Variants in PITPNA observed in about 807,000 individuals in gnomAD.
PITPNA encodes phosphatidylinositol transfer protein alpha isoform.
A neutral mutation model predicts 50.3 loss-of-function variants in PITPNA; 13 were observed. The observed-to-expected ratio is 0.26, with a 90% confidence interval of 0.17 to 0.41. The LOEUF is 0.41. Among genes scored for constraint, PITPNA ranks in the 10% least tolerant of loss-of-function variants. The pLI is 1.00. For missense variants in PITPNA, 207 were observed against 333.4 expected, an observed-to-expected ratio of 0.62 and a Z score of 2.95; for synonymous variants, 120 against 119.6, an observed-to-expected ratio of 1.00 and a Z score of -0.02.
intron 4 of PITPNA, among the ~76,000 whole-genome samples, chr17:1,545,311 T>C (rs1336148592): frequency 6.6e-6 from 1 of 152,258 alleles, no homozygotes; most frequent in East Asian, 1.9e-4. Context: ...TTTTACTTCA[T>C]GCTCCTTCAT....
chr17:1,535,836 G>C (rs2075612700), intron 7 of PITPNA: 1 of 319,310 alleles, frequency 3.1e-6, no homozygotes, highest in South Asian at 3.8e-5. Flanking sequence ...GATCACCAGG[G>C]AAGACCTTTT....
intron 3 of PITPNA, 125 bp downstream of exon 3, chr17:1,552,879 A>AT (rs2075716745): frequency 1.1e-6 from 1 of 930,120 alleles, no homozygotes; most frequent in Admixed American, 2.1e-5. Flanking sequence ...CAGTCAGTAT[A>AT]TAACTATTAA....
chr17:1,553,846 C>T (rs904384511), intron 2 of PITPNA, among the ~76,000 whole-genome samples: 2 of 152,210 alleles, frequency 1.3e-5, no homozygotes, highest in African/African-American at 4.8e-5. Flanking sequence ...GTAGCTCTTT[C>T]AGGCAATGAA....
At chr17:1,542,630 C>T (rs1230656079) in intron 5 of PITPNA, among the ~76,000 whole-genome samples, 4 of 152,298 alleles carry the variant, frequency 2.6e-5, no homozygotes, top group Admixed American at 6.5e-5. Flanking sequence ...AGAGAAACCC[C>T]GCTGACTTCA....
At chr17:1,546,379 T>C (rs895001597) in intron 4 of PITPNA, among the ~76,000 whole-genome samples, 3 of 152,132 alleles carry the variant, frequency 2.0e-5, no homozygotes, top group African/African-American at 4.8e-5. Flanking sequence ...GCAAATCTCC[T>C]GATACAAGGT....
chr17:1,531,143 G>A (rs1030769255), intron 10 of PITPNA, among the ~76,000 whole-genome samples: 14 of 152,254 alleles, frequency 9.2e-5, no homozygotes, highest in African/African-American at 3.4e-4. Context: ...GCAAGAGGCA[G>A]AATACGACGG....
intron 7 of PITPNA, among the ~76,000 whole-genome samples, chr17:1,536,562 T>G (rs1011342481): frequency 6.6e-6 from 1 of 151,754 alleles, no homozygotes; most frequent in Admixed American, 6.6e-5. Flanking sequence ...GTGCTGGGAT[T>G]ACAGGCGTGA....
chr17:1,538,170 C>T (rs2075629111), intron 7 of PITPNA, among the ~76,000 whole-genome samples: 2 of 152,200 alleles, frequency 1.3e-5, no homozygotes, highest in African/African-American at 4.8e-5. Flanking sequence ...AGAGCAAACA[C>T]ACATTCCCTA....
intron 10 of PITPNA, among the ~76,000 whole-genome samples, chr17:1,528,525 T>C (rs11078480): frequency 0.1 from 15,715 of 152,080 alleles, 925 homozygotes; most frequent in East Asian, 0.14. Flanking sequence ...GGTGGGAGGA[T>C]CACTTGAGAC....
chr17:1,557,813 G>A (rs973045267), intron 2 of PITPNA, among the ~76,000 whole-genome samples: 1 of 152,196 alleles, frequency 6.6e-6, no homozygotes, highest in African/African-American at 2.4e-5. Context: ...GTCACCTATC[G>A]TGGCTAGGGA....
chr17:1,552,289 AG>A (rs1344168372), intron 3 of PITPNA, among the ~76,000 whole-genome samples: 1 of 152,236 alleles, frequency 6.6e-6, no homozygotes, highest in Admixed American at 6.5e-5. Context: ...TACCTTTACC[AG>A]TTCTGGATAG....
chr17:1,523,953 C>G (rs530175157), intron 10 of PITPNA, among the ~76,000 whole-genome samples: 1 of 152,108 alleles, frequency 6.6e-6, no homozygotes, highest in African/African-American at 2.4e-5. Flanking sequence ...GCCACTGCAC[C>G]TGGCCTGGAT....
chr17:1,521,656 A>G lies in PITPNA; in HGVS notation c.769-11T>C, dbSNP rs772612232. On this transcript the variant is annotated splice_polypyrimidine_tract_variant and intron_variant, in intron 10 of 11. Transcript: ENST00000313486. The stretch of plus-strand genomic sequence containing the variant: ...GTCCTTTTGTCTCATCTGGAACAAA[A>G]AAAGCAGGACAAATGGAAGGCTCCT... The G allele has an allele frequency of 1.2e-6, 2 of 1,611,796 alleles. No homozygotes were observed. Among genetic ancestry groups the G allele is most frequent in the African/African-American group, 2.7e-5 (2 of 74,858 alleles).
At chr17:1,535,383 A>G in intron 8 of PITPNA, 58 bp downstream of exon 8, 1 of 1,511,640 alleles carries the variant, frequency 6.6e-7, no homozygotes, top group African/African-American at 1.4e-5. Flanking sequence ...CCTCCTCCAC[A>G]GGGAGCGGCC....
chr17:1,555,758 G>A (rs2075732070), intron 2 of PITPNA, among the ~76,000 whole-genome samples: 1 of 152,154 alleles, frequency 6.6e-6, no homozygotes, highest in Non-Finnish European at 1.5e-5. Context: ...GACTGGTGCC[G>A]TGAATCTCTG....
In PITPNA at chr17:1,553,021, C is replaced by G; in HGVS notation, c.180G>C (p.Lys60Asn). 2 of 1,613,978 alleles carry G rather than the reference C, an allele frequency of 1.2e-6. No individual in the cohort carries two copies. The highest frequency in any genetic ancestry group is 1.7e-6 in the Non-Finnish European group (2 of 1,179,880). ...KDGEKGQYTH[K>N]IYHLQSKVPT... is the part of the protein sequence containing the mutation. ...CCGCATACCTCTGCAGGTGGTAGAT[C>G]TTGTGTGTGTACTGGCCTTTCTCAC... Residue 60 changes from lysine (K) to asparagine (N), a missense_variant, in exon 3 of 12, where the codon AAG (lysine) becomes AAC (asparagine). Transcript: ENST00000313486.
rs1252110054 is a variant in PITPNA, at chr17:1,543,790, A to T, written c.290-763T>A. ...GAGCTATCACGCACAGAAATAACCCAAAAGACTGTCAGTAATTCCCCCATA... is the reference window on the plus strand; with the variant it reads ...GAGCTATCACGCACAGAAATAACCCTAAAGACTGTCAGTAATTCCCCCATA... On this transcript the variant is annotated intron_variant, in intron 4 of 11. Coordinates refer to ENST00000313486, the MANE Select transcript of PITPNA (RefSeq NM_006224.4). 3.3e-5 allele frequency among the ~76,000 whole-genome samples: 5 copies of T among 152,188 alleles called. No homozygotes were observed. In the East Asian group the frequency reaches 7.7e-4, roughly 23 times the overall value.
At chr17:1,533,301 C>T (rs145148351) in intron 10 of PITPNA, among the ~76,000 whole-genome samples, 63 of 152,266 alleles carry the variant, frequency 4.1e-4, no homozygotes, top group African/African-American at 1.4e-3. Flanking sequence ...GAGTCCTGGG[C>T]TCTTACTCTG....
At chr17:1,560,020 G>T (rs1042573845) in intron 1 of PITPNA, among the ~76,000 whole-genome samples, 2 of 152,220 alleles carry the variant, frequency 1.3e-5, no homozygotes, top group African/African-American at 4.8e-5. Context: ...AAGAACAGCA[G>T]TCAAAATCAC....
Sources: allele counts gnomAD v4.1 joint callset (sites outside exome capture counted in the v4.1 genomes callset), GRCh38; gene constraint gnomAD v4.1.1; transcripts MANE v1.5; gene names NCBI Gene and HGNC (gene_info 2026-07-23, HGNC 2026-07-21).